PIGQ: variants seen among roughly 807,000 people sequenced by gnomAD.
PIGQ encodes the protein phosphatidylinositol N-acetylglucosaminyltransferase subunit Q.
A neutral mutation model predicts 60.3 loss-of-function variants in PIGQ; 54 were observed. The observed-to-expected ratio is 0.90, with a 90% CI of 0.72 to 1.12. The LOEUF (loss-of-function observed/expected upper bound fraction) is 1.12, where lower values mean the gene tolerates loss of function less well. Among genes scored for constraint, PIGQ ranks in the 50% most tolerant of loss-of-function variants. The pLI, the probability that PIGQ is intolerant of heterozygous loss-of-function variation, is 0.00. For synonymous variants in PIGQ, 416 were observed against 363.7 expected, an observed-to-expected ratio of 1.14 and a Z score of -1.64; for missense variants, 799 against 793.5, an observed-to-expected ratio of 1.01 and a Z score of -0.08.
intron 9 of PIGQ, 34 bp downstream of exon 9, chr16:581,006 T>G (rs779226097): frequency 6.9e-7 from 1 of 1,442,264 alleles, no homozygotes; most frequent in East Asian, 2.3e-5. Flanking sequence ...TGGCCCTGGG[T>G]AGGTGGAGGG....
rs768948983 is a variant in PIGQ at position 574,277 on chromosome 16, A to G, written c.203A>G (p.His68Arg). 1.4e-5 allele frequency: 23 copies of G among 1,606,948 alleles called. No homozygotes were observed. The South Asian group carries it at 2.4e-4, about 17-fold the overall frequency. ...VGVAVLGTWC[H>R]CRQEPEESLG... is the part of the protein sequence containing the mutation. ...GTGGCCGTGCTGGGCACCTGGTGCCACTGCCGGCAGGAGCCCGAGGAGAGC... is the reference window on the plus strand; with the variant it reads ...GTGGCCGTGCTGGGCACCTGGTGCCGCTGCCGGCAGGAGCCCGAGGAGAGC... Residue 68 changes from histidine to arginine, a missense_variant, in exon 2 of 11, where the codon CAC becomes CGC. Transcript: ENST00000321878.
At position 574,473 on chromosome 16, in the gene PIGQ, G is replaced by A; in HGVS notation, c.399G>A (p.Gln133=). ...AGGTCATGCTCATCTTCTATGACCA[G>A]CGCCAGGTGTTGCTGTCACAGCTAC... ...EDQVMLIFYD[Q]RQVLLSQLHL... is the part of the protein sequence containing the mutation. Residue 133 remains glutamine, a synonymous_variant, in exon 2 of 11, where the codon CAG becomes CAA. Transcript: ENST00000321878. 3.1e-6 allele frequency: 5 copies of A among 1,610,514 alleles called. No individual in the cohort carries two copies. The highest frequency in any genetic ancestry group is 4.2e-6 in the Non-Finnish European group (5 of 1,179,080).
rs199894139 is a variant in PIGQ at position 580,828 on chromosome 16, G to A, written c.1417-30G>A. On this transcript the variant is annotated intron_variant, in intron 8 of 10. Coordinates refer to ENST00000321878, the MANE Select transcript of PIGQ (RefSeq NM_004204.5). ...GCTCTGCCCCCAGGCGCGTCTGGCC[G>A]GGCCGGTCCTAAATGCTCCTCTGCC... 590 of 1,009,616 alleles carry A rather than the reference G, an allele frequency of 5.8e-4. 1 individual carries two copies. Among genetic ancestry groups the A allele is most frequent in the Non-Finnish European group, 1.3e-4 (80 of 639,652 alleles). 62.5% of individuals were successfully genotyped at this position (1,009,616 alleles called of 1,614,324 possible).
rs2035769485 is a variant in PIGQ at position 579,016 on chromosome 16, G to GGGGGT, written c.1224-49_1224-48insTGGGG. On this transcript the variant is annotated intron_variant, in intron 6 of 10. Transcript: ENST00000321878. Reference sequence around the variant, plus strand: ...GGCTGGGCGGGCGTTCGAGTGGGGCGGGGGCGGGGCGGGGCGGGGCGGGGC... The same window carrying GGGGGT: ...GGCTGGGCGGGCGTTCGAGTGGGGCGGGGGTGGGGCGGGGCGGGGCGGGGCGGGGC... The GGGGGT allele has an allele frequency of 5.3e-6, 8 of 1,521,302 alleles. No individual in the cohort carries two copies. The African/African-American group carries it at 9.9e-5, about 19-fold the overall frequency. 94.2% of individuals were successfully genotyped at this position (1,521,302 alleles called of 1,614,324 possible).
In PIGQ at chr16:580,915, A is replaced by C; in HGVS notation, c.1474A>C (p.Asn492His). ...GATCCATCTGCTCGTGGACCTCATC[A>C]ACTCCCTGCCGCTGTACTCACTGGG... Reference protein sequence around the residue: ...GLIHLLVDLINSLPLYSLGLR... With the variant: ...GLIHLLVDLIHSLPLYSLGLR... The change falls in exon 9 of 11, where the codon AAC (asparagine) becomes CAC (histidine). Residue 492 changes from asparagine to histidine, a missense_variant. Asn to His is a moderately conservative substitution (Grantham distance 68, BLOSUM62 1). Coordinates refer to ENST00000321878, the MANE Select transcript of PIGQ (RefSeq NM_004204.5). The C allele has an allele frequency of 1.6e-5, 25 of 1,609,818 alleles. No individual in the cohort carries two copies. The highest frequency in any genetic ancestry group is 2.1e-5 in the Non-Finnish European group (25 of 1,178,702).
rs117767599 is a variant in PIGQ, at chr16:573,717, T to C, written c.-9-349T>C. 7.7e-4 allele frequency among the ~76,000 whole-genome samples: 117 copies of C among 152,284 alleles called. 7 individuals are homozygous for C. The South Asian group carries it at 0.014, about 18-fold the overall frequency. On this transcript the variant is annotated intron_variant, in intron 1 of 10. Transcript: ENST00000321878. ...TAAAACTAAGAAGCCTGGAGTTCGG[T>C]TCGGCCCCACAGCCGCGTCAGGTGG... is the stretch of plus-strand genomic sequence containing the variant.
intron 4 of PIGQ, chr16:577,325 C>G (rs1014949329): frequency 6.6e-6 from 1 of 152,170 alleles, no homozygotes; most frequent in Non-Finnish European, 1.5e-5. Context: ...TGCCTGTAAT[C>G]CCAGCACTTT....
At chr16:582,846 C>T (rs1181243942) in intron 10 of PIGQ, 37 bp from the exon 11 acceptor site, 1 of 1,561,308 alleles carries the variant, frequency 6.4e-7, no homozygotes, top group Non-Finnish European at 8.7e-7. Context: ...GGTTGGAGCT[C>T]AGACCACCCC....
In PIGQ at chr16:574,015, G is replaced by A. The variant is rs1035758691; in HGVS notation, c.-9-51G>A. 65 of 1,324,276 alleles carry A rather than the reference G, an allele frequency of 4.9e-5. No homozygotes were observed. In the Admixed American group the frequency reaches 8.6e-4, roughly 18 times the overall value. 82.0% of individuals were successfully genotyped at this position (1,324,276 alleles called of 1,614,324 possible). A position where few individuals can be genotyped will look rare whatever the true frequency, so the allele number is the denominator to read the frequency against. ...GTCTGTGCAACATCCCGCAGCCCACGGTGGGGGGGCAGCAGCAGCTCTGAG... is the reference window on the plus strand; with the variant it reads ...GTCTGTGCAACATCCCGCAGCCCACAGTGGGGGGGCAGCAGCAGCTCTGAG... On this transcript the variant is annotated intron_variant, in intron 1 of 10. Transcript: ENST00000321878.
intron 4 of PIGQ, chr16:576,747 C>T (rs1209291182): frequency 5.0e-6 from 2 of 403,212 alleles, no homozygotes; most frequent in Non-Finnish European, 8.8e-6. Context: ...TCCCACCTTC[C>T]CTGCATGGTC....
chr16:583,635 A>G lies in PIGQ; in HGVS notation c.*600A>G, dbSNP rs757136522. ...GTTCCCTGGAGAGGTCGCTTTGTGA[A>G]GAAACCATCAGCAGGCTGTGAGCAT... On this transcript the variant is annotated 3_prime_UTR_variant, in exon 11 of 11. Transcript: ENST00000321878. The G allele has an allele frequency of 1.2e-6, 2 of 1,612,584 alleles. No individual in the cohort carries two copies. Among genetic ancestry groups the G allele is most frequent in the African/African-American group, 1.3e-5 (1 of 75,014 alleles).
intron 1 of PIGQ, among the ~76,000 whole-genome samples, chr16:573,072 A>G (rs1227710201): frequency 6.6e-6 from 1 of 152,176 alleles, no homozygotes; most frequent in Non-Finnish European, 1.5e-5. Context: ...CAGGGAAGGC[A>G]TCAGTGGAGA....
chr16:576,399 C>G (rs986816589), intron 4 of PIGQ, 145 bp downstream of exon 4: 2 of 1,011,152 alleles, frequency 2.0e-6, no homozygotes, highest in Non-Finnish European at 1.4e-6. Flanking sequence ...TCCCCTGAAC[C>G]AGAAGCAGGA....
chr16:582,694 TC>T, intron 10 of PIGQ, 188 bp from the exon 11 acceptor site: 2 of 684,160 alleles, frequency 2.9e-6, no homozygotes, highest in African/African-American at 1.8e-5. Flanking sequence ...AGCTTCTGCC[TC>T]CCCCCAGCGC....
intron 1 of PIGQ, among the ~76,000 whole-genome samples, chr16:573,446 G>A (rs2035665901): frequency 6.6e-6 from 1 of 152,182 alleles, no homozygotes; most frequent in African/African-American, 2.4e-5. Flanking sequence ...CCTGAGCAAC[G>A]AGGCAGGTCC....
intron 9 of PIGQ, chr16:581,430 C>G (rs2035807748): frequency 1.1e-6 from 1 of 931,988 alleles, no homozygotes; most frequent in South Asian, 3.4e-5. Flanking sequence ...TCCCTGCTTG[C>G]CGGACACCTG....
chr16:575,993 G>T (rs1410175949), intron 3 of PIGQ, 23 bp downstream of exon 3: 2 of 1,571,080 alleles, frequency 1.3e-6, no homozygotes, highest in Non-Finnish European at 1.7e-6. Flanking sequence ...CCTGGTCTCT[G>T]CAGGGCTGGG....
At chr16:573,962 G>C (rs2035672839) in intron 1 of PIGQ, 104 bp from the exon 2 acceptor site, 3 of 767,840 alleles carry the variant, frequency 3.9e-6, no homozygotes, top group Admixed American at 2.9e-5. Flanking sequence ...GCCCCGACCT[G>C]GGGCCCTGTG....
In PIGQ at chr16:583,083, T is replaced by C. The variant is rs1436639579; in HGVS notation, c.*48T>C. On this transcript the variant is annotated 3_prime_UTR_variant, in exon 11 of 11. Coordinates refer to ENST00000321878, the MANE Select transcript of PIGQ (RefSeq NM_004204.5). Reference sequence around the variant, plus strand: ...ACCACCACACGGCCACAGCCAGCCATCTGCTCTGCCAGGGTGGCACCAGCT... The same window carrying C: ...ACCACCACACGGCCACAGCCAGCCACCTGCTCTGCCAGGGTGGCACCAGCT... 6.2e-7 allele frequency: 1 copy of C among 1,612,870 alleles called. No individual in the cohort carries two copies. Among genetic ancestry groups the C allele is most frequent in the Non-Finnish European group, 8.5e-7 (1 of 1,179,984 alleles).
Sources: gnomAD v4.1 joint callset for allele counts (sites outside exome capture counted in the v4.1 genomes callset) on GRCh38, gnomAD v4.1.1 for gene constraint, MANE v1.5 for transcripts, NCBI Gene and HGNC (gene_info 2026-07-23, HGNC 2026-07-21) for gene names.